The following SCRN1 variants were observed in gnomAD, a reference collection of about 807,000 sequenced individuals.
The protein encoded by SCRN1 is secernin 1.
In SCRN1, 19 loss-of-function variants were observed where a neutral mutation model predicts 43.3. The ratio of observed to expected loss-of-function variants is 0.44; its 90% CI spans 0.31 to 0.64. The LOEUF is 0.64. SCRN1 is among the 30% of genes least tolerant of loss of function. SCRN1 has a pLI of 0.09. For missense variants in SCRN1, 447 were observed against 524.1 expected, an observed-to-expected ratio of 0.85 and a Z score of 1.44; for synonymous variants, 183 against 188.9, an observed-to-expected ratio of 0.97 and a Z score of 0.26.
At chr7:29,979,278 G>A (rs555165530) in intron 1 of SCRN1, among the ~76,000 whole-genome samples, 20 of 152,112 alleles carry the variant, frequency 1.3e-4, no homozygotes, top group African/African-American at 3.6e-4. Context: ...CAGGAGAATC[G>A]CTTGAACCCA....
intron 6 of SCRN1, among the ~76,000 whole-genome samples, chr7:29,934,795 A>C (rs1411155690): frequency 1.3e-5 from 2 of 152,248 alleles, no homozygotes; most frequent in Non-Finnish European, 2.9e-5. Context: ...TGAGGCTCAC[A>C]GATAAAGGCT....
intron 7 of SCRN1, 106 bp downstream of exon 7, chr7:29,926,346 T>A (rs767554847): frequency 8.3e-7 from 1 of 1,207,400 alleles, no homozygotes; most frequent in Non-Finnish European, 1.2e-6. Context: ...TCACACTGGA[T>A]GGGTGGGGGT....
chr7:29,969,789 C>T (rs1487618461), intron 1 of SCRN1: 1 of 455,978 alleles, frequency 2.2e-6, no homozygotes, highest in South Asian at 1.6e-5. Flanking sequence ...CATTTAATTC[C>T]AGCTGGGTTC....
At chr7:29,971,613 C>T (rs1209265566) in intron 1 of SCRN1, among the ~76,000 whole-genome samples, 1 of 123,098 alleles carries the variant, frequency 8.1e-6, no homozygotes, top group African/African-American at 3.1e-5. Flanking sequence ...TCAGCCTGGG[C>T]AAAGAGTGAG....
chr7:29,974,818 G>C (rs1167701762), intron 1 of SCRN1, among the ~76,000 whole-genome samples: 2 of 151,310 alleles, frequency 1.3e-5, no homozygotes, highest in African/African-American at 4.9e-5. Flanking sequence ...TGAGTAGCTG[G>C]GATTACAGGC....
chr7:29,973,397 T>G (rs1007887167), intron 1 of SCRN1, among the ~76,000 whole-genome samples: 2 of 152,174 alleles, frequency 1.3e-5, no homozygotes, highest in African/African-American at 4.8e-5. Context: ...TAAGCAGAGG[T>G]CTCACTTTCT....
chr7:29,944,035 A>C lies in SCRN1; in HGVS notation c.486T>G (p.Arg162=). The change falls in exon 4 of 8, where the codon CGT becomes CGG. Residue 162 remains arginine (R), a synonymous_variant. Coordinates refer to ENST00000242059, the MANE Select transcript of SCRN1 (RefSeq NM_014766.5). The part of the protein sequence containing the change: ...SFQSAYLIVD[R]DEAWVLETIG... ...TGGTCTCGAGCACCCAGGCTTCATC[A>C]CGATCCACAATCAGATATGCACTTT... 6.2e-7 allele frequency: 1 copy of C among 1,614,174 alleles called. No homozygotes were observed. The highest frequency in any genetic ancestry group is 8.5e-7 in the Non-Finnish European group (1 of 1,180,036).
chr7:29,985,576 G>A (rs1261040374), intron 1 of SCRN1, among the ~76,000 whole-genome samples: 1 of 151,986 alleles, frequency 6.6e-6, no homozygotes, highest in Non-Finnish European at 1.5e-5. Flanking sequence ...TTCGATATGG[G>A]AACACAGATG....
intron 6 of SCRN1, among the ~76,000 whole-genome samples, chr7:29,933,295 T>C (rs933007307): frequency 3.3e-5 from 5 of 152,240 alleles, no homozygotes; most frequent in African/African-American, 1.2e-4. Context: ...ATTTGCCAAT[T>C]TCTGTAGTGT....
chr7:29,984,134 AG>A (rs1331281889), intron 1 of SCRN1, among the ~76,000 whole-genome samples: 1 of 145,146 alleles, frequency 6.9e-6, no homozygotes, highest in Non-Finnish European at 1.5e-5. Flanking sequence ...TGAACCCAGG[AG>A]GTAGAGCTTG....
chr7:29,932,869 ATTTAT>A (rs901476289), intron 6 of SCRN1, among the ~76,000 whole-genome samples: 5 of 151,206 alleles, frequency 3.3e-5, no homozygotes, highest in African/African-American at 9.7e-5. Flanking sequence ...CCTGTATCTT[ATTTAT>A]TTTATTTTAT....
At chr7:29,969,692 T>A (rs767534990) in intron 1 of SCRN1, 3 of 404,672 alleles carry the variant, frequency 7.4e-6, no homozygotes, top group Non-Finnish European at 1.5e-5. Context: ...GCTTCATCCT[T>A]CTTTCCTCAT....
At chr7:29,933,727 A>G (rs1787233990) in intron 6 of SCRN1, among the ~76,000 whole-genome samples, 1 of 151,634 alleles carries the variant, frequency 6.6e-6, no homozygotes, top group African/African-American at 2.4e-5. Context: ...TAGTAGGAGG[A>G]GGGAGGGAGG....
intron 3 of SCRN1, chr7:29,947,268 T>A: frequency 6.4e-7 from 1 of 1,550,812 alleles, no homozygotes; most frequent in South Asian, 1.2e-5. Flanking sequence ...GCCCATGACC[T>A]TCTCACAGGT....
chr7:29,923,951 C>T lies in SCRN1; in HGVS notation c.*6G>A. The T allele has an allele frequency of 4.4e-6, 7 of 1,607,192 alleles. No homozygotes were observed. Among genetic ancestry groups the T allele is most frequent in the South Asian group, 1.1e-5 (1 of 89,744 alleles). ...TTAAATAAGAAGGGGAAAGGGAACG[C>T]TTACTTCACTTAAAGAACTTAATCT... is the stretch of plus-strand genomic sequence containing the variant. On this transcript the variant is annotated 3_prime_UTR_variant, in exon 8 of 8. Coordinates refer to ENST00000242059, the MANE Select transcript of SCRN1 (RefSeq NM_014766.5).
At chr7:29,960,840 C>T (rs1289182134) in intron 2 of SCRN1, among the ~76,000 whole-genome samples, 2 of 152,022 alleles carry the variant, frequency 1.3e-5, no homozygotes, top group South Asian at 2.1e-4. Flanking sequence ...GATGCATCCT[C>T]AGAGAGGATA....
In SCRN1 at chr7:29,955,744, G is replaced by C. The variant is rs868728594; in HGVS notation, c.160-384C>G. ...AAAGAAACTTCACCTAGAAGCCTAA[G>C]ATAGAAAGCAGGTAAAAGGGAAGAT... On this transcript the variant is annotated intron_variant, in intron 2 of 7. Transcript: ENST00000242059. 8.5e-5 allele frequency among the ~76,000 whole-genome samples: 13 copies of C among 152,298 alleles called. No homozygotes were observed. The South Asian group carries it at 1.7e-3, about 19-fold the overall frequency.
intron 6 of SCRN1, among the ~76,000 whole-genome samples, chr7:29,935,099 C>A (rs1787281461): frequency 6.6e-6 from 1 of 152,236 alleles, no homozygotes; most frequent in South Asian, 2.1e-4. Flanking sequence ...TTTCCTTGTA[C>A]ACACTTCATC....
chr7:29,989,527 C>G, intron 1 of SCRN1, 115 bp downstream of exon 1: 1 of 983,244 alleles, frequency 1.0e-6, no homozygotes, highest in Non-Finnish European at 1.2e-6. Flanking sequence ...ACGCTACCCG[C>G]GGGTTCGGAG....
Sources: gnomAD v4.1 joint callset for allele counts (sites outside exome capture counted in the v4.1 genomes callset) on GRCh38, gnomAD v4.1.1 for gene constraint, MANE v1.5 for transcripts, NCBI Gene and HGNC (gene_info 2026-07-23, HGNC 2026-07-21) for gene names.